Variants in COL11A1 observed in about 807,000 individuals in gnomAD.
COL11A1 encodes collagen alpha-1(XI) chain.
In COL11A1, 74 loss-of-function variants were observed where a neutral mutation model predicts 265.2. That is an observed-to-expected ratio of 0.28 (90% CI 0.23 to 0.34). The LOEUF (loss-of-function observed/expected upper bound fraction) is 0.34. Ranked by LOEUF, COL11A1 falls within the 10% of genes least tolerant of loss-of-function variation. The pLI, the probability that COL11A1 is intolerant of heterozygous loss-of-function variation, is 1.00. For synonymous variants in COL11A1, 816 were observed against 727.6 expected (o/e 1.12, Z -1.96); for missense variants, 2,165 against 2,263.6 (o/e 0.96, Z 0.88).
intron 42 of COL11A1, among the ~76,000 whole-genome samples, chr1:102,943,160 A>G (rs778996747): frequency 5.3e-5 from 8 of 152,042 alleles, no homozygotes; most frequent in Non-Finnish European, 1.0e-4. Flanking sequence ...GAGGCAACGC[A>G]TTCAATCTTA....
intron 54 of COL11A1, among the ~76,000 whole-genome samples, chr1:102,910,505 T>C (rs1387397618): frequency 1.3e-5 from 2 of 152,154 alleles, no homozygotes; most frequent in Admixed American, 6.6e-5. Context: ...AATTTTGATA[T>C]AGTCTCTCCT....
chr1:103,087,606 C>T (rs1672980588), intron 1 of COL11A1, among the ~76,000 whole-genome samples: 1 of 152,170 alleles, frequency 6.6e-6, no homozygotes, highest in Non-Finnish European at 1.5e-5. Context: ...TAAACTCAGT[C>T]TTTCCAGAAT....
rs1667095085 is a variant in COL11A1, at chr1:103,021,761, G to A, written c.1254C>T (p.Gly418=). The stretch of plus-strand genomic sequence containing the variant: ...GTCCTTTCTCTCCATATGCACCATG[G>A]CCATTTATCTGTTGAATGAAATATT... ...ETDITETSIN[G]HGAYGEKGQK... The change falls in exon 9 of 67, where the codon GGC becomes GGT. Residue 418 remains glycine, a synonymous_variant. Transcript: ENST00000370096. 6.2e-7 allele frequency: 1 copy of A among 1,609,118 alleles called. No individual in the cohort carries two copies. The highest frequency in any genetic ancestry group is 8.5e-7 in the Non-Finnish European group (1 of 1,175,708).
At chr1:102,993,730 C>T (rs1173412388) in intron 28 of COL11A1, among the ~76,000 whole-genome samples, 3 of 152,176 alleles carry the variant, frequency 2.0e-5, no homozygotes, top group South Asian at 2.1e-4. Context: ...GTAGAGATGA[C>T]GTCTCACTAC....
At chr1:102,956,456 C>T (rs763305371) in intron 41 of COL11A1, among the ~76,000 whole-genome samples, 2 of 151,738 alleles carry the variant, frequency 1.3e-5, no homozygotes, top group Non-Finnish European at 2.9e-5. Context: ...GGTACTTTCA[C>T]AGAAAAAGAC....
rs1261986863 is a variant in COL11A1 at position 102,928,809 on chromosome 1, T to A, written c.3601-5420A>T. On this transcript the variant is annotated intron_variant, in intron 46 of 66. Transcript: ENST00000370096. ...ATTCTAACTGGTGTGAGATGGTATCTCATTGTGGTTTTGATTTGCATTTCT... is the reference window on the plus strand; with the variant it reads ...ATTCTAACTGGTGTGAGATGGTATCACATTGTGGTTTTGATTTGCATTTCT... 2.1e-5 allele frequency among the ~76,000 whole-genome samples: 3 copies of A among 143,190 alleles called. No homozygotes were observed. The Middle Eastern group carries it at 0.01, about 497-fold the overall frequency. The allele number at this position is 143,190 out of a possible 152,430, so 93.9% of individuals were successfully genotyped here.
intron 1 of COL11A1, among the ~76,000 whole-genome samples, chr1:103,102,552 G>T (rs1436111465): frequency 6.6e-6 from 1 of 151,968 alleles, no homozygotes; most frequent in Non-Finnish European, 1.5e-5. Context: ...GCTGACCAAC[G>T]CTCAGTCCCC....
chr1:102,913,724 A>G (rs1268937633), intron 52 of COL11A1, 34 bp from the exon 53 acceptor site: 1 of 1,584,704 alleles, frequency 6.3e-7, no homozygotes, highest in East Asian at 2.2e-5. Flanking sequence ...AGCAAGATAT[A>G]TCTCAGTATC....
At chr1:102,992,497 C>T (rs576313685) in intron 28 of COL11A1, among the ~76,000 whole-genome samples, 8 of 151,580 alleles carry the variant, frequency 5.3e-5, no homozygotes, top group East Asian at 1.9e-4. Flanking sequence ...TCTTCTATCT[C>T]GTAAGAGATA....
intron 5 of COL11A1, among the ~76,000 whole-genome samples, chr1:103,028,284 T>A (rs1038007649): frequency 1.3e-5 from 2 of 152,144 alleles, no homozygotes; most frequent in African/African-American, 2.4e-5. Context: ...TCCGCCCGCT[T>A]CGGCCTCCCA....
chr1:103,046,226 G>T, intron 4 of COL11A1, among the ~76,000 whole-genome samples: 1 of 136,218 alleles, frequency 7.3e-6, no homozygotes, highest in Non-Finnish European at 1.6e-5. Context: ...CTAGTTTACA[G>T]TCCCACCAAC....
chr1:103,020,886 G>T, intron 9 of COL11A1, among the ~76,000 whole-genome samples: 1 of 137,672 alleles, frequency 7.3e-6, no homozygotes, highest in South Asian at 2.5e-4. Context: ...GTTTGTCAAA[G>T]GTCAGATAGT....
At chr1:103,047,650 A>G (rs1204679162) in intron 4 of COL11A1, among the ~76,000 whole-genome samples, 1 of 152,074 alleles carries the variant, frequency 6.6e-6, no homozygotes, top group African/African-American at 2.4e-5. Context: ...GTTGAATAGG[A>G]GTGGTGAGAG....
chr1:103,103,909 A>C (rs915572794), intron 1 of COL11A1, among the ~76,000 whole-genome samples: 3 of 152,072 alleles, frequency 2.0e-5, no homozygotes, highest in Non-Finnish European at 4.4e-5. Context: ...CTCTCCTCTC[A>C]TTCCATTGTC....
intron 7 of COL11A1, among the ~76,000 whole-genome samples, chr1:103,024,144 T>C (rs965001515): frequency 6.6e-6 from 1 of 152,132 alleles, no homozygotes; most frequent in African/African-American, 2.4e-5. Context: ...TTTTATTTTT[T>C]GAGATGGGGT....
rs946770500 is a variant in COL11A1 at position 102,930,331 on chromosome 1, C to T, written c.3600+4118G>A. Among the ~76,000 whole-genome samples, 1,334 of 151,832 alleles carry T rather than the reference C, an allele frequency of 8.8e-3. 18 individuals carry two copies. Among genetic ancestry groups the T allele is most frequent in the African/African-American group, 0.031 (1,270 of 41,370 alleles). ...TGTTGAATTTTGTCAAAGGCTTTTT[C>T]TGCATCTATTGAGATAATCATGTGG... On this transcript the variant is annotated intron_variant, in intron 46 of 66. Transcript: ENST00000370096.
At position 102,945,676 on chromosome 1, in the gene COL11A1, A is replaced by T. The variant is rs189809862; in HGVS notation, c.3276+1173T>A. ...ATACTTTTTATCTACATTTACTGAA[A>T]CAGTTTGTGTTTTAATCTTGTAGGA... On this transcript the variant is annotated intron_variant, in intron 42 of 66. Transcript: ENST00000370096. Among the ~76,000 whole-genome samples, 397 of 152,294 alleles carry T rather than the reference A, an allele frequency of 2.6e-3. 5 individuals are homozygous for T. The highest frequency in any genetic ancestry group is 9.2e-3 in the African/African-American group (382 of 41,564).
At chr1:103,099,856 T>C (rs947856087) in intron 1 of COL11A1, among the ~76,000 whole-genome samples, 3 of 151,824 alleles carry the variant, frequency 2.0e-5, no homozygotes, top group Non-Finnish European at 4.4e-5. Context: ...AGCAAATGAA[T>C]TTAAAAAAGA....
chr1:103,044,225 G>A (rs1457857631), intron 4 of COL11A1, among the ~76,000 whole-genome samples: 1 of 144,416 alleles, frequency 6.9e-6, no homozygotes. Flanking sequence ...ACTGTTTTCT[G>A]TGGTAAAGGA....
Sources: allele counts gnomAD v4.1 joint callset (sites outside exome capture counted in the v4.1 genomes callset), GRCh38; gene constraint gnomAD v4.1.1; transcripts MANE v1.5; gene names NCBI Gene and HGNC (gene_info 2026-07-23, HGNC 2026-07-21).